Variants in FAR2 observed in about 807,000 individuals in gnomAD.
The protein encoded by FAR2 is fatty acyl-CoA reductase 2.
FAR2 carries 19 observed loss-of-function variants against 56.0 expected under a neutral mutation model. That is an observed-to-expected ratio of 0.34 (90% CI 0.24 to 0.50). The LOEUF (loss-of-function observed/expected upper bound fraction) is 0.50, where lower values mean the gene tolerates loss of function less well. FAR2 is among the 20% of genes least tolerant of loss of function. The pLI is 0.98. For missense variants in FAR2, 508 were observed against 642.2 expected (o/e 0.79, Z 2.26); for synonymous variants, 219 against 218.8 (o/e 1.00, Z -0.01).
chr12:29,252,386 A>G (rs937804756), intron 1 of FAR2, among the ~76,000 whole-genome samples: 4 of 152,200 alleles, frequency 2.6e-5, no homozygotes, highest in Non-Finnish European at 5.9e-5. Context: ...AGGAAAAGGG[A>G]ACATGGAATG....
At chr12:29,182,235 G>A (rs562039968) in intron 1 of FAR2, among the ~76,000 whole-genome samples, 6 of 152,308 alleles carry the variant, frequency 3.9e-5, no homozygotes, top group Non-Finnish European at 5.9e-5. Context: ...TGTGAAGAGT[G>A]AAAGAACACA....
chr12:29,317,716 T>G (rs1175956750), intron 9 of FAR2: 4 of 152,658 alleles, frequency 2.6e-5, no homozygotes, highest in Admixed American at 2.0e-4. Flanking sequence ...ACTGAGAGTT[T>G]ACTGTGGCAC....
chr12:29,210,018 G>A (rs559927591), intron 1 of FAR2, among the ~76,000 whole-genome samples: 1 of 151,988 alleles, frequency 6.6e-6, no homozygotes, highest in Admixed American at 6.6e-5. Flanking sequence ...ACCAGCCTGG[G>A]CAATATAAGG....
chr12:29,254,909 C>T (rs1948291663), intron 1 of FAR2, among the ~76,000 whole-genome samples: 1 of 149,450 alleles, frequency 6.7e-6, no homozygotes, highest in Non-Finnish European at 1.5e-5. Flanking sequence ...GTAGAGATTG[C>T]ACCACTGCAC....
At chr12:29,253,219 C>A (rs1009973020) in intron 1 of FAR2, among the ~76,000 whole-genome samples, 3 of 131,648 alleles carry the variant, frequency 2.3e-5, no homozygotes, top group Admixed American at 7.6e-5. Context: ...ATCTATATAT[C>A]GATATCTATC....
intron 1 of FAR2, among the ~76,000 whole-genome samples, chr12:29,225,926 CT>C (rs1017182027): frequency 1.2e-4 from 19 of 152,198 alleles, no homozygotes; most frequent in African/African-American, 4.3e-4. Context: ...CCAGAAATAT[CT>C]TACTAGTTTC....
At chr12:29,295,763 T>G (rs1175637688) in intron 3 of FAR2, among the ~76,000 whole-genome samples, 1 of 136,544 alleles carries the variant, frequency 7.3e-6, no homozygotes, top group Non-Finnish European at 1.6e-5. Flanking sequence ...GTAATTTTTT[T>G]TTTTTTTTTT....
chr12:29,203,241 A>C (rs1010407164), intron 1 of FAR2, among the ~76,000 whole-genome samples: 1 of 152,180 alleles, frequency 6.6e-6, no homozygotes, highest in Non-Finnish European at 1.5e-5. Context: ...GTGACATTCT[A>C]ACAAGCCAGG....
At chr12:29,270,264 C>G (rs555512154) in intron 1 of FAR2, 148 bp from the exon 2 acceptor site, 5 of 509,840 alleles carry the variant, frequency 9.8e-6, no homozygotes, top group Non-Finnish European at 1.7e-5. Flanking sequence ...TGGAATGAGT[C>G]GTATTGCTTA....
At chr12:29,173,248 G>C (rs977246532) in intron 1 of FAR2, among the ~76,000 whole-genome samples, 1 of 152,156 alleles carries the variant, frequency 6.6e-6, no homozygotes, top group African/African-American at 2.4e-5. Flanking sequence ...CCTACAGCTT[G>C]AAGGGAACAT....
At chr12:29,323,214 T>C (rs1189967533) in intron 10 of FAR2, among the ~76,000 whole-genome samples, 2 of 152,318 alleles carry the variant, frequency 1.3e-5, no homozygotes, top group Admixed American at 6.5e-5. Flanking sequence ...ACGCCCGCCA[T>C]TGCTCAGGCC....
chr12:29,252,520 A>C (rs1948230940), intron 1 of FAR2, among the ~76,000 whole-genome samples: 1 of 152,180 alleles, frequency 6.6e-6, no homozygotes, highest in African/African-American at 2.4e-5. Context: ...TATATAGCAA[A>C]TATTTCTTTC....
chr12:29,297,242 A>C (rs748716923), intron 4 of FAR2, 42 bp downstream of exon 4: 4 of 1,543,428 alleles, frequency 2.6e-6, no homozygotes, highest in South Asian at 1.2e-5. Context: ...GGGTAGAATA[A>C]GTTCCTTTGT....
At position 29,321,904 on chromosome 12, in the gene FAR2, C is replaced by G. The variant is rs1383721993; in HGVS notation, c.1237C>G (p.Leu413Val). 6.2e-7 allele frequency: 1 copy of G among 1,613,278 alleles called. No homozygotes were observed. ...CAATACAGAAATGCTGATGTCTGAGCTGAGTCCTGAAGACCAGAGAGTAAG... is the reference window on the plus strand; with the variant it reads ...CAATACAGAAATGCTGATGTCTGAGGTGAGTCCTGAAGACCAGAGAGTAAG... The part of the protein sequence containing the change: ...TYNTEMLMSE[L>V]SPEDQRVFNF... The change falls in exon 10 of 12, where the codon CTG becomes GTG. Residue 413 changes from leucine (L) to valine (V), a missense_variant. Transcript: ENST00000536681.
At chr12:29,182,270 G>A (rs1047589439) in intron 1 of FAR2, among the ~76,000 whole-genome samples, 13 of 152,184 alleles carry the variant, frequency 8.5e-5, no homozygotes, top group East Asian at 1.9e-4. Context: ...AAGGGGACCC[G>A]AGTGGGTTGC....
intron 4 of FAR2, among the ~76,000 whole-genome samples, chr12:29,304,023 C>T (rs1185356064): frequency 1.3e-5 from 2 of 152,156 alleles, no homozygotes; most frequent in African/African-American, 4.8e-5. Flanking sequence ...CTCAGAAATA[C>T]CCTGCTTCCC....
intron 2 of FAR2, among the ~76,000 whole-genome samples, chr12:29,274,335 T>C (rs996686830): frequency 6.6e-6 from 1 of 152,020 alleles, no homozygotes; most frequent in Non-Finnish European, 1.5e-5. Context: ...AGAATGATGG[T>C]TTCCAGCTTC....
intron 1 of FAR2, among the ~76,000 whole-genome samples, chr12:29,240,785 G>A (rs995795755): frequency 7.0e-6 from 1 of 143,732 alleles, no homozygotes; most frequent in African/African-American, 2.7e-5. Context: ...GTCATTGTGT[G>A]TGTGTGTGTA....
chr12:29,326,801 G>C (rs1220764383), intron 10 of FAR2, among the ~76,000 whole-genome samples: 1 of 152,052 alleles, frequency 6.6e-6, no homozygotes, highest in African/African-American at 2.4e-5. Context: ...ATATCATACT[G>C]AATGGACAAA....
Sources: allele counts gnomAD v4.1 joint callset (sites outside exome capture counted in the v4.1 genomes callset), GRCh38; gene constraint gnomAD v4.1.1; transcripts MANE v1.5; gene names NCBI Gene and HGNC (gene_info 2026-07-23, HGNC 2026-07-21).